The following SUMF1 variants were observed in gnomAD, a reference collection of about 807,000 sequenced individuals.
SUMF1 encodes formylglycine-generating enzyme.
Under a neutral mutation model 47.6 loss-of-function variants are expected in SUMF1, and 48 were observed. The ratio of observed to expected loss-of-function variants is 1.01; its 90% CI spans 0.80 to 1.28. The LOEUF (loss-of-function observed/expected upper bound fraction) is 1.28, where lower values mean the gene tolerates loss of function less well. Among genes scored for constraint, SUMF1 ranks in the 50% most tolerant of loss-of-function variants. SUMF1 has a pLI of 0.00. For synonymous variants in SUMF1, 230 were observed against 192.1 expected, an observed-to-expected ratio of 1.20 and a Z score of -1.63; for missense variants, 571 against 485.4, an observed-to-expected ratio of 1.18 and a Z score of -1.66.
At chr3:4,374,353 TA>T (rs1022000062) in intron 8 of SUMF1, among the ~76,000 whole-genome samples, 1 of 152,150 alleles carries the variant, frequency 6.6e-6, no homozygotes, top group Non-Finnish European at 1.5e-5. Flanking sequence ...AAGATGAACA[TA>T]AAAAATCAGT....
chr3:4,184,313 G>A (rs567894093), intron 8 of SUMF1, among the ~76,000 whole-genome samples: 78 of 151,854 alleles, frequency 5.1e-4, no homozygotes, highest in African/African-American at 1.8e-3. Context: ...AAAATTAGCC[G>A]GGCATGGTGT....
chr3:4,128,183 T>C (rs1011208907), intron 8 of SUMF1, among the ~76,000 whole-genome samples: 1 of 152,094 alleles, frequency 6.6e-6, no homozygotes. Context: ...TAGAAAAAGC[T>C]AAAGTTGTGG....
intron 8 of SUMF1, among the ~76,000 whole-genome samples, chr3:4,147,471 G>T (rs886464066): frequency 2.0e-5 from 3 of 151,976 alleles, no homozygotes; most frequent in African/African-American, 7.3e-5. Context: ...TTTTTTTATA[G>T]GTGAGAAATC....
intron 8 of SUMF1, among the ~76,000 whole-genome samples, chr3:4,234,719 G>T (rs1170724861): frequency 6.6e-6 from 1 of 152,036 alleles, no homozygotes; most frequent in Non-Finnish European, 1.5e-5. Flanking sequence ...GAATATCTCA[G>T]CCAACTTCAG....
At chr3:4,157,760 G>C (rs1265762342) in intron 8 of SUMF1, among the ~76,000 whole-genome samples, 1 of 151,484 alleles carries the variant, frequency 6.6e-6, no homozygotes, top group Non-Finnish European at 1.5e-5. Context: ...ACAGAAATGA[G>C]ACAGACAGGC....
At chr3:4,450,388 T>G (rs940100475) in intron 2 of SUMF1, among the ~76,000 whole-genome samples, 9 of 152,218 alleles carry the variant, frequency 5.9e-5, no homozygotes, top group Non-Finnish European at 1.0e-4. Context: ...TACTGGATCC[T>G]TATATTGCAG....
intron 8 of SUMF1, among the ~76,000 whole-genome samples, chr3:4,280,525 A>T (rs916798235): frequency 6.6e-5 from 10 of 152,066 alleles, no homozygotes; most frequent in African/African-American, 2.4e-4. Flanking sequence ...GGAACCCCTT[A>T]TGTGAGAGGA....
At chr3:4,355,747 A>C (rs1699604119) in intron 8 of SUMF1, among the ~76,000 whole-genome samples, 1 of 152,190 alleles carries the variant, frequency 6.6e-6, no homozygotes, top group Non-Finnish European at 1.5e-5. Flanking sequence ...GCCCAGACCC[A>C]AGGGCGGGAG....
intron 9 of SUMF1, among the ~76,000 whole-genome samples, chr3:4,045,342 G>A (rs1403555180): frequency 6.6e-6 from 1 of 151,676 alleles, no homozygotes; most frequent in Non-Finnish European, 1.5e-5. Context: ...CCCCAGTTGT[G>A]TAAACCAATT....
rs76689020 is a variant in SUMF1, at chr3:4,036,515, T to C, written c.1191+32054A>G. On this transcript the variant is annotated intron_variant and NMD_transcript_variant, in intron 9 of 12. Transcript: ENST00000448413. ...TTGGGGAAGACCTGCATGAGGGTTC[T>C]ATAACTCTTCCCATAGGCCTGAGTG... Among the ~76,000 whole-genome samples, 1,273 of 152,060 alleles carry C rather than the reference T, an allele frequency of 8.4e-3. 21 individuals carry two copies. Among genetic ancestry groups the C allele is most frequent in the African/African-American group, 0.029 (1,204 of 41,470 alleles).
At chr3:4,300,119 A>T (rs1210765617) in intron 8 of SUMF1, among the ~76,000 whole-genome samples, 3 of 152,206 alleles carry the variant, frequency 2.0e-5, no homozygotes, top group African/African-American at 7.2e-5. Context: ...TGGGTGCTAA[A>T]GCACCATCCC....
rs374879254 is a variant in SUMF1, at chr3:4,160,437, A to G, written c.1015-91692T>C. The stretch of plus-strand genomic sequence containing the variant: ...GTATTTTTAGTAGAGATGGGATTTC[A>G]CCATGTTGGCCAGGCTGATCTCGAA... On this transcript the variant is annotated intron_variant and NMD_transcript_variant, in intron 8 of 12. Transcript: ENST00000448413. 9.2e-5 allele frequency among the ~76,000 whole-genome samples: 14 copies of G among 152,070 alleles called. 3 individuals carry two copies. Among genetic ancestry groups the G allele is most frequent in the Admixed American group, 6.5e-5 (1 of 15,280 alleles).
chr3:4,056,751 A>AT (rs910458760), intron 9 of SUMF1, among the ~76,000 whole-genome samples: 8 of 151,424 alleles, frequency 5.3e-5, no homozygotes, highest in African/African-American at 1.7e-4. Context: ...TTTTTTATTT[A>AT]TTTTTTTTGA....
intron 8 of SUMF1, among the ~76,000 whole-genome samples, chr3:4,200,676 A>G (rs919924997): frequency 1.3e-5 from 2 of 152,036 alleles, no homozygotes; most frequent in Admixed American, 6.6e-5. Context: ...AGCCTCAATA[A>G]TTGCATGAGG....
intron 9 of SUMF1, among the ~76,000 whole-genome samples, chr3:4,053,921 G>A (rs1386546544): frequency 6.6e-6 from 1 of 152,104 alleles, no homozygotes; most frequent in Non-Finnish European, 1.5e-5. Context: ...AAAAAGTAAA[G>A]TTTTATCATA....
At chr3:4,362,969 T>C (rs1414245871) in intron 8 of SUMF1, among the ~76,000 whole-genome samples, 1 of 152,152 alleles carries the variant, frequency 6.6e-6, no homozygotes, top group Non-Finnish European at 1.5e-5. Flanking sequence ...AAGGTGTATA[T>C]GTGGTATGAC....
intron 8 of SUMF1, among the ~76,000 whole-genome samples, chr3:4,151,012 G>A (rs1219597780): frequency 6.6e-6 from 1 of 151,434 alleles, no homozygotes; most frequent in African/African-American, 2.5e-5. Context: ...CACACCTGAA[G>A]TCCAATGTAC....
chr3:4,044,398 A>C (rs1231929854), intron 9 of SUMF1, among the ~76,000 whole-genome samples: 1 of 152,210 alleles, frequency 6.6e-6, no homozygotes, highest in Non-Finnish European at 1.5e-5. Flanking sequence ...AAGTGCTGAC[A>C]ATAATTACTA....
intron 1 of SUMF1, among the ~76,000 whole-genome samples, chr3:4,463,620 G>C (rs1363123434): frequency 6.6e-6 from 1 of 152,186 alleles, no homozygotes; most frequent in Non-Finnish European, 1.5e-5. Context: ...TGTAGGAGGT[G>C]GAAAGGTTTC....
Sources: gnomAD v4.1 joint callset for allele counts (sites outside exome capture counted in the v4.1 genomes callset) on GRCh38, gnomAD v4.1.1 for gene constraint, MANE v1.5 for transcripts, NCBI Gene and HGNC (gene_info 2026-07-23, HGNC 2026-07-21) for gene names.